OTUD7B: variants seen among roughly 807,000 people sequenced by gnomAD.
OTUD7B encodes OTU deubiquitinase 7B, also known as OTU domain-containing protein 7B.
In OTUD7B, 34 loss-of-function variants were observed where a neutral mutation model predicts 82.2. That is an observed-to-expected ratio of 0.41 (90% confidence interval 0.31 to 0.55). The LOEUF (loss-of-function observed/expected upper bound fraction) is 0.55. OTUD7B is among the 20% of genes least tolerant of loss of function. The pLI is 0.20. For missense variants in OTUD7B, 944 were observed against 1,062.1 expected (o/e 0.89, Z 1.55); for synonymous variants, 398 against 402.7 (o/e 0.99, Z 0.14).
the OTUD7B span, among the ~76,000 whole-genome samples, chr1:150,029,999 A>G: frequency 1.3e-5 from 2 of 152,276 alleles, no homozygotes; most frequent in African/African-American, 4.8e-5. Context: ...GTCCTTACAT[A>G]CATAATTCAT....
Position 149,975,456 on chromosome 1 carries a change from A to G in OTUD7B, c.85+1970T>C, listed in dbSNP as rs1305681815. Among the ~76,000 whole-genome samples, 3 of 152,256 alleles carry G rather than the reference A, an allele frequency of 2.0e-5. No homozygotes were observed. The East Asian group carries it at 5.8e-4, about 29-fold the overall frequency. On this transcript the variant is annotated intron_variant, in intron 2 of 11. Coordinates refer to ENST00000581312, the MANE Select transcript of OTUD7B (RefSeq NM_020205.4). The stretch of plus-strand genomic sequence containing the variant: ...AAATTATTAACTCCAGGATAATAAA[A>G]CTTTATTGTATGGTGGTTGTGAGAA...
rs1649829460 is a variant in OTUD7B, at chr1:149,970,341, CAG to C, written c.274+720_274+721del. ...ATTTATTTATTTTTTTTTTTGTAGA[CAG>C]AGTCTCACTGTGTCACCCAGGCTGG... On this transcript the variant is annotated intron_variant, in intron 3 of 11. Coordinates refer to ENST00000581312, the MANE Select transcript of OTUD7B (RefSeq NM_020205.4). Among the ~76,000 whole-genome samples the C allele has an allele frequency of 5.1e-5, 7 of 138,522 alleles. No individual in the cohort carries two copies. The South Asian group carries it at 1.3e-3, about 27-fold the overall frequency. The allele number at this position is 138,522 out of a possible 152,430, so 90.9% of individuals were successfully genotyped here. A position where few individuals can be genotyped will look rare whatever the true frequency, so the allele number is the denominator to read the frequency against.
chr1:149,950,853 G>A lies in OTUD7B; in HGVS notation c.846-632C>T, dbSNP rs782175225. Among the ~76,000 whole-genome samples the A allele has an allele frequency of 7.5e-5, 11 of 146,744 alleles. No individual in the cohort carries two copies. In the South Asian group the frequency reaches 1.7e-3, roughly 23 times the overall value. On this transcript the variant is annotated intron_variant, in intron 7 of 11. Coordinates refer to ENST00000581312, the MANE Select transcript of OTUD7B (RefSeq NM_020205.4). ...CTGTCCCCCAGGCTGGAGCAGTGGC[G>A]CGATCTCGGCTCACTGCAAGCTCTG...
intron 1 of OTUD7B, among the ~76,000 whole-genome samples, chr1:150,002,327 T>C (rs1652349471): frequency 6.6e-6 from 1 of 152,162 alleles, no homozygotes; most frequent in African/African-American, 2.4e-5. Flanking sequence ...GGGAGCTTAG[T>C]GGCAGAGATA....
chr1:150,003,363 A>T (rs1350423722), intron 1 of OTUD7B, among the ~76,000 whole-genome samples: 3 of 152,176 alleles, frequency 2.0e-5, no homozygotes, highest in Admixed American at 1.3e-4. Context: ...TACCTGAAGA[A>T]GTCTGGCCTT....
chr1:149,959,231 G>GA (rs1480883083), intron 7 of OTUD7B, among the ~76,000 whole-genome samples: 149,619 of 149,722 alleles, frequency 1, 74,758 homozygotes, highest in Middle Eastern at 1. Flanking sequence ...AAAAAAAAAA[G>GA]AAAAAAAAGA....
At chr1:149,985,235 C>T (rs1651047770) in intron 1 of OTUD7B, among the ~76,000 whole-genome samples, 1 of 152,080 alleles carries the variant, frequency 6.6e-6, no homozygotes, top group Admixed American at 6.5e-5. Flanking sequence ...TGGTGAAACC[C>T]CATCTCTGCT....
At chr1:150,012,045 G>C (rs1367238645), upstream of OTUD7B, among the ~76,000 whole-genome samples, 1 of 152,240 alleles carries the variant, frequency 6.6e-6, no homozygotes, top group Non-Finnish European at 1.5e-5. Context: ...ACAAGTCAGA[G>C]TGCCTTGCAT....
At chr1:150,012,655 G>A (rs587737602), upstream of OTUD7B, among the ~76,000 whole-genome samples, 3 of 152,192 alleles carry the variant, frequency 2.0e-5, no homozygotes, top group Admixed American at 6.5e-5. Flanking sequence ...ACCATAGAAG[G>A]TCTCCAGATT....
In OTUD7B at chr1:149,944,779, G is replaced by C; in HGVS notation, c.1610C>G (p.Thr537Arg). 1 of 1,613,812 alleles carries C rather than the reference G, an allele frequency of 6.2e-7. No individual in the cohort carries two copies. Among genetic ancestry groups the C allele is most frequent in the Admixed American group, 1.7e-5 (1 of 59,984 alleles). The change falls in exon 12 of 12, where the codon ACA (threonine) becomes AGA (arginine). Residue 537 changes from threonine (T) to arginine (R), a missense_variant. Coordinates refer to ENST00000581312, the MANE Select transcript of OTUD7B (RefSeq NM_020205.4). ...SKGSKPGGVG[T>R]GLGGSSGTET... is the part of the protein sequence containing the mutation. ...AGTGCCGCTGCTTCCTCCCAACCCTGTCCCCACCCCTCCAGGCTTTGAACC... is the reference window on the plus strand; with the variant it reads ...AGTGCCGCTGCTTCCTCCCAACCCTCTCCCCACCCCTCCAGGCTTTGAACC...
intron 2 of OTUD7B, among the ~76,000 whole-genome samples, chr1:149,975,577 G>C (rs1228991282): frequency 2.0e-5 from 3 of 152,190 alleles, no homozygotes; most frequent in African/African-American, 7.2e-5. Context: ...AGGATTTTAT[G>C]AAAGAGGAAA....
At chr1:149,979,872 C>A (rs1238367207) in intron 1 of OTUD7B, among the ~76,000 whole-genome samples, 1 of 152,126 alleles carries the variant, frequency 6.6e-6, no homozygotes, top group Non-Finnish European at 1.5e-5. Flanking sequence ...AACTTATACA[C>A]ATGAATAATC....
At chr1:150,011,267 T>G (rs1349706040), upstream of OTUD7B, among the ~76,000 whole-genome samples, 5 of 152,226 alleles carry the variant, frequency 3.3e-5, no homozygotes, top group African/African-American at 1.2e-4. Flanking sequence ...TGTTGATACA[T>G]CTGCTTTAGA....
rs200936807 is a variant in OTUD7B, at chr1:149,964,324, G to A, written c.630C>T (p.Asp210=). Residue 210 remains aspartate, a synonymous_variant, in exon 6 of 12, where the codon GAC becomes GAT. Coordinates refer to ENST00000581312, the MANE Select transcript of OTUD7B (RefSeq NM_020205.4). ...CATACAAAGCTTTCCGCAGCATCAAGTCCCGATCATGGAAACCCCACATTC... is the reference window on the plus strand; with the variant it reads ...CATACAAAGCTTTCCGCAGCATCAAATCCCGATCATGGAAACCCCACATTC... ...SLGMWGFHDR[D]LMLRKALYAL... The A allele has an allele frequency of 1.2e-6, 2 of 1,613,920 alleles. No individual in the cohort carries two copies. The highest frequency in any genetic ancestry group is 4.5e-5 in the East Asian group (2 of 44,880).
upstream of OTUD7B, among the ~76,000 whole-genome samples, chr1:150,012,210 T>G (rs587697894): frequency 6.6e-6 from 1 of 152,260 alleles, no homozygotes; most frequent in African/African-American, 2.4e-5. Context: ...TGACTCTAAC[T>G]GAACTCTAAC....
the OTUD7B span, among the ~76,000 whole-genome samples, chr1:150,024,290 T>G: frequency 2.0e-5 from 3 of 152,168 alleles, no homozygotes; most frequent in East Asian, 5.8e-4. Context: ...CATATAATAA[T>G]GTCAAGGTAA....
chr1:150,040,118 C>T, the OTUD7B span, among the ~76,000 whole-genome samples: 101 of 152,266 alleles, frequency 6.6e-4, no homozygotes, highest in African/African-American at 2.4e-3. Flanking sequence ...AATAGATAGC[C>T]TACATCAAAT....
chr1:150,013,932 A>AT (rs1405149044), upstream of OTUD7B, among the ~76,000 whole-genome samples: 1,538 of 7,016 alleles, frequency 0.22, 68 homozygotes, highest in Non-Finnish European at 0.44. Flanking sequence ...AAAAAAAAAA[A>AT]AAATAATATA....
chr1:149,973,827 A>G (rs1027490326), intron 2 of OTUD7B, among the ~76,000 whole-genome samples: 2 of 148,558 alleles, frequency 1.3e-5, no homozygotes, highest in Non-Finnish European at 3.0e-5. Context: ...CAGAGAGAAA[A>G]TGAGGATGAG....
Sources: gnomAD v4.1 joint callset for allele counts (sites outside exome capture counted in the v4.1 genomes callset) on GRCh38, gnomAD v4.1.1 for gene constraint, MANE v1.5 for transcripts, NCBI Gene and HGNC (gene_info 2026-07-23, HGNC 2026-07-21) for gene names.